GPC6: variants seen among roughly 807,000 people sequenced by gnomAD.
GPC6 encodes glypican 6, also known as glypican-6.
GPC6 carries 14 observed loss-of-function variants against 55.2 expected under a neutral mutation model. The observed-to-expected ratio is 0.25, with a 90% CI of 0.17 to 0.40. The LOEUF is 0.40. Ranked by LOEUF, GPC6 falls within the 10% of genes least tolerant of loss-of-function variation. The pLI is 1.00. For synonymous variants in GPC6, 278 were observed against 259.6 expected (o/e 1.07, Z -0.68); for missense variants, 641 against 708.5 (o/e 0.90, Z 1.08).
intron 4 of GPC6, among the ~76,000 whole-genome samples, chr13:94,190,310 A>G (rs1218404980): frequency 2.1e-5 from 1 of 48,684 alleles, no homozygotes; most frequent in East Asian, 6.5e-4. Context: ...CAAGACTCTG[A>G]AAAAAAAAAA....
chr13:93,757,893 A>G (rs1884830771), intron 2 of GPC6, among the ~76,000 whole-genome samples: 1 of 152,162 alleles, frequency 6.6e-6, no homozygotes, highest in South Asian at 2.1e-4. Flanking sequence ...GAAATGGATA[A>G]TTAGGGTTTC....
rs141808682 is a variant in GPC6 at position 93,804,726 on chromosome 13, A to G, written c.320-25428A>G. Among the ~76,000 whole-genome samples the G allele has an allele frequency of 9.3e-4, 142 of 152,246 alleles. No homozygotes were observed. The East Asian group carries it at 0.023, about 24-fold the overall frequency. ...ACTCTTCGCCTATCCCAAATCAACC[A>G]CCAGGAACCATAGATTCTCTCTTGA... On this transcript the variant is annotated intron_variant, in intron 2 of 8. Coordinates refer to ENST00000377047, the MANE Select transcript of GPC6 (RefSeq NM_005708.5).
intron 4 of GPC6, among the ~76,000 whole-genome samples, chr13:94,129,290 TC>T (rs1886931853): frequency 6.6e-6 from 1 of 152,110 alleles, no homozygotes; most frequent in Non-Finnish European, 1.5e-5. Context: ...TGCTCTCAGA[TC>T]CCTTCCTCTC....
intron 4 of GPC6, among the ~76,000 whole-genome samples, chr13:94,125,311 C>G (rs1886770452): frequency 6.6e-6 from 1 of 151,988 alleles, no homozygotes; most frequent in African/African-American, 2.4e-5. Context: ...AGGAACCTGC[C>G]TTAACAGAAA....
intron 3 of GPC6, among the ~76,000 whole-genome samples, chr13:93,903,441 C>T (rs74111046): frequency 2.6e-3 from 399 of 152,270 alleles, no homozygotes; most frequent in African/African-American, 9.1e-3. Context: ...GATATCCATC[C>T]AACTTCTTGC....
At chr13:93,745,554 CA>C (rs1228112311) in intron 2 of GPC6, among the ~76,000 whole-genome samples, 1 of 152,146 alleles carries the variant, frequency 6.6e-6, no homozygotes, top group African/African-American at 2.4e-5. Context: ...AATGGTTTGA[CA>C]TAACTACTTT....
chr13:93,411,282 C>T (rs929020734), intron 1 of GPC6, among the ~76,000 whole-genome samples: 1 of 152,098 alleles, frequency 6.6e-6, no homozygotes, highest in African/African-American at 2.4e-5. Context: ...CATCATAGCC[C>T]ACACTGTCAA....
intron 4 of GPC6, among the ~76,000 whole-genome samples, chr13:94,038,872 A>G (rs1018555994): frequency 6.6e-5 from 10 of 152,068 alleles, no homozygotes; most frequent in African/African-American, 2.4e-4. Context: ...CAACCTGGAA[A>G]CCAGTGGAGA....
intron 3 of GPC6, among the ~76,000 whole-genome samples, chr13:93,893,765 C>A (rs1026598525): frequency 6.6e-6 from 1 of 152,186 alleles, no homozygotes; most frequent in Non-Finnish European, 1.5e-5. Flanking sequence ...TTTAATTTCC[C>A]TATTGAGATT....
At chr13:93,920,609 A>G (rs1244147226) in intron 3 of GPC6, among the ~76,000 whole-genome samples, 1 of 152,128 alleles carries the variant, frequency 6.6e-6, no homozygotes, top group Non-Finnish European at 1.5e-5. Flanking sequence ...CTCTAATTCA[A>G]TCAGTCTTGT....
chr13:93,658,384 T>A (rs1463041341), intron 2 of GPC6, among the ~76,000 whole-genome samples: 3 of 151,980 alleles, frequency 2.0e-5, no homozygotes, highest in African/African-American at 7.2e-5. Flanking sequence ...TCTATTGTAT[T>A]AATATAGTAG....
intron 1 of GPC6, among the ~76,000 whole-genome samples, chr13:93,397,981 T>A (rs1229249122): frequency 6.6e-6 from 1 of 152,184 alleles, no homozygotes; most frequent in Non-Finnish European, 1.5e-5. Context: ...TTTTAATACT[T>A]TGGAACCAGT....
At chr13:94,118,706 C>T (rs1886519841) in intron 4 of GPC6, among the ~76,000 whole-genome samples, 1 of 152,092 alleles carries the variant, frequency 6.6e-6, no homozygotes, top group African/African-American at 2.4e-5. Context: ...TTAGCTATAG[C>T]CACCTTTCTT....
At chr13:93,538,689 A>C (rs553805669) in intron 1 of GPC6, among the ~76,000 whole-genome samples, 1 of 152,314 alleles carries the variant, frequency 6.6e-6, no homozygotes, top group Admixed American at 6.5e-5. Flanking sequence ...AAAAACATCA[A>C]GCAAAGTAGA....
chr13:93,746,152 T>A (rs920770808), intron 2 of GPC6, among the ~76,000 whole-genome samples: 2 of 152,192 alleles, frequency 1.3e-5, no homozygotes, highest in African/African-American at 4.8e-5. Context: ...ACCAATGATC[T>A]TATGCACATG....
At chr13:93,986,270 A>C (rs1188530044) in intron 3 of GPC6, among the ~76,000 whole-genome samples, 1 of 152,160 alleles carries the variant, frequency 6.6e-6, no homozygotes, top group Non-Finnish European at 1.5e-5. Context: ...TCATTTAATG[A>C]CATTTACTAA....
At chr13:94,063,274 T>C (rs564855690) in intron 4 of GPC6, among the ~76,000 whole-genome samples, 1 of 152,276 alleles carries the variant, frequency 6.6e-6, no homozygotes, top group Non-Finnish European at 1.5e-5. Context: ...CCTGAGGAAG[T>C]AGATTTTGCA....
intron 1 of GPC6, among the ~76,000 whole-genome samples, chr13:93,480,600 A>T (rs570991410): frequency 1.7e-4 from 26 of 152,254 alleles, no homozygotes; most frequent in African/African-American, 6.0e-4. Context: ...CGATTTCTTG[A>T]ACATTTTAGT....
chr13:94,206,972 G>C (rs902993742), intron 4 of GPC6, among the ~76,000 whole-genome samples: 3 of 152,072 alleles, frequency 2.0e-5, no homozygotes, highest in Admixed American at 6.6e-5. Context: ...CTCTCACCAA[G>C]CCAGTATTTC....
Sources: gnomAD v4.1 joint callset for allele counts (sites outside exome capture counted in the v4.1 genomes callset) on GRCh38, gnomAD v4.1.1 for gene constraint, MANE v1.5 for transcripts, NCBI Gene and HGNC (gene_info 2026-07-23, HGNC 2026-07-21) for gene names.